Variants in OPRM1 observed in about 807,000 individuals in gnomAD.
OPRM1 encodes opioid receptor mu 1.
OPRM1 carries 27 observed loss-of-function variants against 31.8 expected under a neutral mutation model. That is an observed-to-expected ratio of 0.85 (90% confidence interval 0.63 to 1.17). OPRM1 has a LOEUF of 1.17. OPRM1 is among the 50% of genes most tolerant of loss of function. The pLI, the probability that OPRM1 is intolerant of heterozygous loss-of-function variation, is 0.00. For missense variants in OPRM1, 536 were observed against 511.1 expected, an observed-to-expected ratio of 1.05 and a Z score of -0.47; for synonymous variants, 196 against 189.9, an observed-to-expected ratio of 1.03 and a Z score of -0.26.
chr6:154,118,467 C>T (rs1024423204), intron 3 of OPRM1, among the ~76,000 whole-genome samples: 3 of 152,094 alleles, frequency 2.0e-5, no homozygotes, highest in Non-Finnish European at 4.4e-5. Context: ...CAGTAGCATA[C>T]ACAAATGAAG....
intron 3 of OPRM1, chr6:154,199,617 T>C (rs543049706): frequency 2.7e-6 from 4 of 1,494,430 alleles, no homozygotes; most frequent in Non-Finnish European, 3.6e-6. Flanking sequence ...CAGTTCCATA[T>C]ACAAACAAAT....
At chr6:154,223,298 T>C in intron 3 of OPRM1, 2 of 1,324,808 alleles carry the variant, frequency 1.5e-6, no homozygotes, top group Non-Finnish European at 2.1e-6. Context: ...TGGGGATTAG[T>C]GCATTGAGAT....
chr6:154,159,564 C>T (rs939746150), intron 3 of OPRM1: 4 of 475,358 alleles, frequency 8.4e-6, no homozygotes, highest in Admixed American at 4.2e-5. Context: ...TAGAGCCCCA[C>T]ATCACCGTGA....
chr6:154,176,272 A>T (rs186860676), intron 3 of OPRM1, among the ~76,000 whole-genome samples: 1 of 152,358 alleles, frequency 6.6e-6, no homozygotes, highest in East Asian at 1.9e-4. Flanking sequence ...TAAGACAAGG[A>T]TGCCCTCTCT....
intron 3 of OPRM1, among the ~76,000 whole-genome samples, chr6:154,239,250 G>C (rs1780384646): frequency 6.6e-6 from 1 of 152,162 alleles, no homozygotes; most frequent in South Asian, 2.1e-4. Flanking sequence ...AAGTTATTGA[G>C]AACTGCCCAT....
At chr6:154,080,559 A>G (rs1218405009) in intron 1 of OPRM1, among the ~76,000 whole-genome samples, 2 of 152,102 alleles carry the variant, frequency 1.3e-5, no homozygotes, top group African/African-American at 2.4e-5. Flanking sequence ...GTGCATTCCT[A>G]TCTTTCCTCC....
intron 3 of OPRM1, among the ~76,000 whole-genome samples, chr6:154,173,769 C>G (rs990033913): frequency 2.0e-4 from 30 of 152,196 alleles, no homozygotes; most frequent in Non-Finnish European, 3.5e-4. Context: ...TCCAGGAGAA[C>G]TTCCCCAACC....
intron 3 of OPRM1, among the ~76,000 whole-genome samples, chr6:154,230,297 G>A (rs1779619573): frequency 1.3e-5 from 2 of 152,152 alleles, no homozygotes; most frequent in South Asian, 4.1e-4. Flanking sequence ...TATTGATAAT[G>A]GGGAGGTTGT....
chr6:154,173,894 A>G (rs150324799), intron 3 of OPRM1, among the ~76,000 whole-genome samples: 1,645 of 152,318 alleles, frequency 0.011, 14 homozygotes, highest in African/African-American at 0.022. Context: ...GTTGAAATGA[A>G]GGAAAAAATG....
intron 3 of OPRM1, chr6:154,158,462 A>T (rs867638065): frequency 6.6e-6 from 1 of 152,376 alleles, no homozygotes; most frequent in Middle Eastern, 3.4e-3. Context: ...TGCAGGCATA[A>T]ATGGCACAAA....
chr6:154,240,704 AT>A (rs1780510039), intron 3 of OPRM1, among the ~76,000 whole-genome samples: 1 of 152,206 alleles, frequency 6.6e-6, no homozygotes, highest in Non-Finnish European at 1.5e-5. Flanking sequence ...CCTTCCAAAG[AT>A]AAGAGCCTCT....
At position 154,126,840 on chromosome 6, in the gene OPRM1, G is replaced by A. The variant is rs371918322; in HGVS notation, c.*8119G>A. ...AAATAAAAAAGTGCCTGCTGGGCGC[G>A]GTGGCTCACGCCTGTAATTCCAGCA... is the stretch of plus-strand genomic sequence containing the variant. On this transcript the variant is annotated 3_prime_UTR_variant, in exon 4 of 4. Coordinates refer to ENST00000330432, the MANE Select transcript of OPRM1 (RefSeq NM_000914.5). Among the ~76,000 whole-genome samples, 1 of 152,114 alleles carries A rather than the reference G, an allele frequency of 6.6e-6. No individual in the cohort carries two copies. The highest frequency in any genetic ancestry group is 1.5e-5 in the Non-Finnish European group (1 of 68,034).
intron 3 of OPRM1, among the ~76,000 whole-genome samples, chr6:154,114,008 C>T (rs1796605273): frequency 6.6e-6 from 1 of 152,108 alleles, no homozygotes; most frequent in Non-Finnish European, 1.5e-5. Flanking sequence ...TTTCCAGAAG[C>T]CTGGAGTTGA....
intron 3 of OPRM1, among the ~76,000 whole-genome samples, chr6:154,161,198 T>G (rs1376299659): frequency 6.6e-6 from 1 of 151,640 alleles, no homozygotes; most frequent in Non-Finnish European, 1.5e-5. Flanking sequence ...TTTACCCAAT[T>G]TTTTTCTTTT....
chr6:154,053,506 A>G lies in OPRM1; in HGVS notation c.290+13672A>G, dbSNP rs114331969. ...CTCAGAAGTTGCTTTGGAAAATGCT[A>G]TTACTTATTCTTTAGAACTCAGACT... On this transcript the variant is annotated intron_variant, in intron 1 of 3. Transcript: ENST00000330432. Among the ~76,000 whole-genome samples the G allele has an allele frequency of 9.0e-3, 1,366 of 152,328 alleles. 19 individuals carry two copies. The highest frequency in any genetic ancestry group is 0.032 in the African/African-American group (1,319 of 41,580).
intron 3 of OPRM1, among the ~76,000 whole-genome samples, chr6:154,173,971 CT>C (rs1235485012): frequency 2.6e-5 from 4 of 152,330 alleles, no homozygotes; most frequent in Admixed American, 2.0e-4. Context: ...AACAGTGGAT[CT>C]CTCGACAGAA....
intron 3 of OPRM1, chr6:154,108,105 C>A: frequency 1.6e-6 from 1 of 616,040 alleles, no homozygotes; most frequent in Non-Finnish European, 2.9e-6. Context: ...CTGAGCGGCC[C>A]TAGTGATCCG....
At chr6:154,176,721 T>C (rs909291500) in intron 3 of OPRM1, among the ~76,000 whole-genome samples, 3 of 152,168 alleles carry the variant, frequency 2.0e-5, no homozygotes, top group Admixed American at 1.3e-4. Context: ...GAAGAATCAA[T>C]ATCATGAAAA....
chr6:154,113,234 A>G (rs1035560432), intron 3 of OPRM1, among the ~76,000 whole-genome samples: 2 of 152,228 alleles, frequency 1.3e-5, no homozygotes, highest in Non-Finnish European at 2.9e-5. Flanking sequence ...GCCTGTCTCT[A>G]AAATGTGGAC....
Sources: allele counts gnomAD v4.1 joint callset (sites outside exome capture counted in the v4.1 genomes callset), GRCh38; gene constraint gnomAD v4.1.1; transcripts MANE v1.5; gene names NCBI Gene and HGNC (gene_info 2026-07-23, HGNC 2026-07-21).